The following ZNF365 variants were observed in gnomAD, a reference collection of about 807,000 sequenced individuals.
The protein encoded by ZNF365 is zinc finger protein 365.
ZNF365 carries 22 observed loss-of-function variants against 35.0 expected under a neutral mutation model. The observed-to-expected ratio is 0.63, with a 90% CI of 0.45 to 0.90. The LOEUF is 0.90. Ranked by LOEUF, ZNF365 falls within the 40% of genes least tolerant of loss-of-function variation. The pLI is 0.00. For missense variants in ZNF365, 448 were observed against 500.3 expected (o/e 0.90, Z 1.00); for synonymous variants, 188 against 196.2 (o/e 0.96, Z 0.35).
chr10:62,414,240 C>T (rs1840036826), intron 3 of ZNF365, among the ~76,000 whole-genome samples: 1 of 151,790 alleles, frequency 6.6e-6, no homozygotes, highest in Admixed American at 6.6e-5. Flanking sequence ...CTTTCTGTCA[C>T]CCAGGCTGGA....
intron 3 of ZNF365, among the ~76,000 whole-genome samples, chr10:62,419,182 A>G (rs1456695083): frequency 6.6e-6 from 1 of 152,086 alleles, no homozygotes; most frequent in Non-Finnish European, 1.5e-5. Context: ...TACATGGCCA[A>G]TCTCCAGACC....
At chr10:62,402,893 C>T (rs939475981), downstream of ZNF365, among the ~76,000 whole-genome samples, 1 of 152,138 alleles carries the variant, frequency 6.6e-6, no homozygotes, top group Middle Eastern at 3.2e-3. Context: ...TGGAATTAGC[C>T]ATTGTTCTTT....
chr10:62,399,442 G>A (rs539960181), intron 4 of ZNF365, 86 bp from the exon 5 acceptor site: 2 of 1,539,986 alleles, frequency 1.3e-6, no homozygotes, highest in South Asian at 1.2e-5. Context: ...GAGAGATTGT[G>A]CCATGAGTAA....
chr10:62,431,641 T>G (rs542437152), intron 3 of ZNF365, among the ~76,000 whole-genome samples: 357 of 152,334 alleles, frequency 2.3e-3, no homozygotes, highest in African/African-American at 8.2e-3. Context: ...ATGTTTATGA[T>G]GAGCCTCTAG....
At chr10:62,470,111 G>A (rs1841010124) in intron 4 of ZNF365, among the ~76,000 whole-genome samples, 1 of 152,172 alleles carries the variant, frequency 6.6e-6, no homozygotes, top group Non-Finnish European at 1.5e-5. Flanking sequence ...ACTTTGGTTA[G>A]TTTCTCCTGA....
chr10:62,446,154 G>A (rs1840584820), intron 3 of ZNF365, among the ~76,000 whole-genome samples: 1 of 152,166 alleles, frequency 6.6e-6, no homozygotes, highest in African/African-American at 2.4e-5. Context: ...GAGTCCCGCA[G>A]TTCTATTTGT....
downstream of ZNF365, among the ~76,000 whole-genome samples, chr10:62,406,987 G>A (rs1242736535): frequency 6.6e-6 from 1 of 152,162 alleles, no homozygotes; most frequent in South Asian, 2.1e-4. Flanking sequence ...TTGCCAGAGG[G>A]TCAAGTATCT....
At chr10:62,423,957 A>G (rs2132450152) in intron 3 of ZNF365, among the ~76,000 whole-genome samples, 1 of 152,324 alleles carries the variant, frequency 6.6e-6, no homozygotes, top group Admixed American at 6.5e-5. Flanking sequence ...TCTGAAGTAT[A>G]TTATACTTTC....
intron 3 of ZNF365, among the ~76,000 whole-genome samples, chr10:62,396,670 T>G (rs1839733038): frequency 6.6e-6 from 1 of 152,216 alleles, no homozygotes; most frequent in Non-Finnish European, 1.5e-5. Context: ...CTAAAAACAT[T>G]TTTGAAATCA....
chr10:62,388,118 T>G (rs377399246), intron 2 of ZNF365, among the ~76,000 whole-genome samples: 3 of 152,348 alleles, frequency 2.0e-5, no homozygotes, highest in East Asian at 1.9e-4. Flanking sequence ...CTCCTTTCCT[T>G]CCTCTGTCAC....
intron 4 of ZNF365, among the ~76,000 whole-genome samples, chr10:62,469,741 T>G (rs1332610710): frequency 6.6e-6 from 1 of 152,162 alleles, no homozygotes; most frequent in Non-Finnish European, 1.5e-5. Context: ...CTAAGCACTT[T>G]ATAGAAACTA....
Position 62,399,634 on chromosome 10 carries a change from A to C in ZNF365, c.1069A>C (p.Met357Leu). The C allele has an allele frequency of 1.9e-6, 3 of 1,614,226 alleles. No individual in the cohort carries two copies. The highest frequency in any genetic ancestry group is 1.7e-6 in the Non-Finnish European group (2 of 1,180,040). Residue 357 changes from methionine to leucine, a missense_variant, in exon 5 of 5, where the codon ATG becomes CTG. Transcript: ENST00000395254. ...AAAGGCCAAGGATGACAGAGCCAGC[A>C]TGCAGCCTGCCAAGGCCATTCACGA... is the stretch of plus-strand genomic sequence containing the variant. ...LKKAKDDRAS[M>L]QPAKAIHEQA...
At chr10:62,470,127 G>A (rs889369966) in intron 4 of ZNF365, among the ~76,000 whole-genome samples, 3 of 152,042 alleles carry the variant, frequency 2.0e-5, no homozygotes, top group Non-Finnish European at 4.4e-5. Flanking sequence ...CCTGAATACC[G>A]ACCTAGATAG....
chr10:62,449,094 C>A (rs1589459696), intron 3 of ZNF365, among the ~76,000 whole-genome samples: 1 of 152,274 alleles, frequency 6.6e-6, no homozygotes, highest in Non-Finnish European at 1.5e-5. Context: ...GAGAGGAAAG[C>A]TTTCAATTAT....
intron 3 of ZNF365, among the ~76,000 whole-genome samples, chr10:62,436,399 T>C (rs933526995): frequency 2.0e-4 from 13 of 64,448 alleles, no homozygotes; most frequent in Non-Finnish European, 7.2e-5. Context: ...TCTTTATATT[T>C]AGGAGAAAAA....
At chr10:62,377,073 C>T (rs949468119) in intron 2 of ZNF365, 137 bp downstream of exon 2, 1 of 1,182,522 alleles carries the variant, frequency 8.5e-7, no homozygotes, top group Non-Finnish European at 1.2e-6. Flanking sequence ...TATAGTTGAA[C>T]CAGGAGGAAC....
intron 3 of ZNF365, among the ~76,000 whole-genome samples, chr10:62,415,652 G>A (rs571824389): frequency 1.5e-4 from 23 of 152,222 alleles, no homozygotes; most frequent in African/African-American, 5.3e-4. Flanking sequence ...TGTTTCATAT[G>A]TTTTCTGTTT....
chr10:62,413,026 C>T (rs1840010409), intron 3 of ZNF365, among the ~76,000 whole-genome samples: 1 of 152,124 alleles, frequency 6.6e-6, no homozygotes, highest in African/African-American at 2.4e-5. Flanking sequence ...ACTCTCCCTC[C>T]TCAAGTGGTA....
rs369694281 is a variant in ZNF365 at position 62,446,006 on chromosome 10, G to C, written c.925-13735G>C. 7.2e-5 allele frequency among the ~76,000 whole-genome samples: 11 copies of C among 152,170 alleles called. No individual in the cohort carries two copies. In the East Asian group the frequency reaches 2.1e-3, roughly 29 times the overall value. ...TTGAGCTGATTTGGCCAAATCTATT[G>C]GTCTTTTTTGAGCAGTTCCCACTCA... On this transcript the variant is annotated intron_variant, in intron 3 of 4. Coordinates refer to the ZNF365 transcript ENST00000395255.
Sources: gnomAD v4.1 joint callset for allele counts (sites outside exome capture counted in the v4.1 genomes callset) on GRCh38, gnomAD v4.1.1 for gene constraint, MANE v1.5 for transcripts, NCBI Gene and HGNC (gene_info 2026-07-23, HGNC 2026-07-21) for gene names.